Variants in PPP3CA observed in about 807,000 individuals in gnomAD.
PPP3CA encodes protein phosphatase 3 catalytic subunit alpha.
In PPP3CA, 14 loss-of-function variants were observed where a neutral mutation model predicts 66.5. That is an observed-to-expected ratio of 0.21 (90% CI 0.14 to 0.33). PPP3CA has a LOEUF of 0.33. PPP3CA is among the 10% of genes least tolerant of loss of function. The probability of loss-of-function intolerance (pLI) is 1.00; values close to 1 mark genes in which losing one functional copy is unlikely to be tolerated. For synonymous variants in PPP3CA, 232 were observed against 226.2 expected, an observed-to-expected ratio of 1.03 and a Z score of -0.23; for missense variants, 317 against 639.5, an observed-to-expected ratio of 0.50 and a Z score of 5.44.
At chr4:101,164,661 T>C (rs1224595259) in intron 2 of PPP3CA, among the ~76,000 whole-genome samples, 1 of 151,382 alleles carries the variant, frequency 6.6e-6, no homozygotes, top group African/African-American at 2.4e-5. Context: ...GAAATAACCA[T>C]TGAGATCACT....
At chr4:101,046,985 T>C (rs543204830) in intron 10 of PPP3CA, among the ~76,000 whole-genome samples, 3 of 152,218 alleles carry the variant, frequency 2.0e-5, no homozygotes, top group South Asian at 2.1e-4. Context: ...TATAGCTTTT[T>C]ACAGATGACG....
chr4:101,200,157 A>C (rs938537237), intron 1 of PPP3CA, among the ~76,000 whole-genome samples: 17 of 152,272 alleles, frequency 1.1e-4, no homozygotes, highest in East Asian at 1.9e-4. Flanking sequence ...GAGTCACTTA[A>C]GCCACTACTG....
At chr4:101,064,700 C>T (rs1394830559) in intron 8 of PPP3CA, among the ~76,000 whole-genome samples, 1 of 151,980 alleles carries the variant, frequency 6.6e-6, no homozygotes, top group Non-Finnish European at 1.5e-5. Flanking sequence ...CTTCTTGATG[C>T]TTTAGCTCAG....
intron 1 of PPP3CA, among the ~76,000 whole-genome samples, chr4:101,293,756 T>G (rs930374384): frequency 6.6e-6 from 1 of 152,234 alleles, no homozygotes; most frequent in Non-Finnish European, 1.5e-5. Context: ...TCACTTCAAC[T>G]CCTTAGGTCT....
At chr4:101,081,586 C>G (rs1033033849) in intron 7 of PPP3CA, among the ~76,000 whole-genome samples, 1 of 152,138 alleles carries the variant, frequency 6.6e-6, no homozygotes, top group Non-Finnish European at 1.5e-5. Flanking sequence ...TTCAAAACAA[C>G]ATTTTATCAT....
chr4:101,053,757 A>G (rs1239946171), intron 10 of PPP3CA, among the ~76,000 whole-genome samples: 4 of 152,066 alleles, frequency 2.6e-5, no homozygotes, highest in Admixed American at 2.6e-4. Flanking sequence ...TGAACCGTCA[A>G]ACTCAGCTTT....
intron 1 of PPP3CA, among the ~76,000 whole-genome samples, chr4:101,259,188 G>T (rs1264818939): frequency 6.6e-6 from 1 of 152,046 alleles, no homozygotes; most frequent in Admixed American, 6.6e-5. Flanking sequence ...CATACCAACG[G>T]TTTCCTCTCA....
intron 1 of PPP3CA, among the ~76,000 whole-genome samples, chr4:101,306,476 T>C (rs766333920): frequency 6.5e-4 from 99 of 152,046 alleles, no homozygotes; most frequent in Admixed American, 2.3e-3. Flanking sequence ...AAAGCCAAAG[T>C]GAGAGTGAAA....
At chr4:101,130,773 A>G (rs959534175) in intron 2 of PPP3CA, among the ~76,000 whole-genome samples, 1 of 152,206 alleles carries the variant, frequency 6.6e-6, no homozygotes, top group African/African-American at 2.4e-5. Flanking sequence ...ACTGGTACCA[A>G]CCATTGCAAA....
intron 1 of PPP3CA, among the ~76,000 whole-genome samples, chr4:101,259,691 A>C (rs141241405): frequency 0.016 from 2,503 of 152,288 alleles, 33 homozygotes; most frequent in Middle Eastern, 0.044. Flanking sequence ...ACAAATTCTG[A>C]AAGTTGTTTT....
intron 1 of PPP3CA, among the ~76,000 whole-genome samples, chr4:101,240,254 A>G (rs1445343793): frequency 6.6e-6 from 1 of 152,096 alleles, no homozygotes; most frequent in African/African-American, 2.4e-5. Context: ...TTATATATGC[A>G]ATAGAGTTCC....
chr4:101,196,940 C>T (rs140294884), intron 1 of PPP3CA, among the ~76,000 whole-genome samples: 92 of 152,322 alleles, frequency 6.0e-4, no homozygotes, highest in African/African-American at 2.0e-3. Flanking sequence ...ACTCCTCTAG[C>T]TTGCCCTGCA....
rs200319846 is a variant in PPP3CA, at chr4:101,133,456, TAGAC to T, written c.260-24382_260-24379del. 6.9e-4 allele frequency among the ~76,000 whole-genome samples: 104 copies of T among 151,468 alleles called. 1 individual carries two copies. The highest frequency in any genetic ancestry group is 2.2e-3 in the African/African-American group (90 of 41,428). Reference sequence around the variant, plus strand: ...CACATGTTTTCCTATACACCAATAATAGACAGAGAAATAAATCATGAGCAAACTC... The same window carrying T: ...CACATGTTTTCCTATACACCAATAATAGAGAAATAAATCATGAGCAAACTC... On this transcript the variant is annotated intron_variant, in intron 2 of 13. Coordinates refer to ENST00000394854, the MANE Select transcript of PPP3CA (RefSeq NM_000944.5).
chr4:101,219,260 T>G (rs183772881), intron 1 of PPP3CA, among the ~76,000 whole-genome samples: 27 of 151,982 alleles, frequency 1.8e-4, no homozygotes, highest in Non-Finnish European at 2.9e-5. Context: ...AGTTAACAGA[T>G]TGCATGCTTC....
At chr4:101,121,704 T>A (rs1365098542) in intron 2 of PPP3CA, among the ~76,000 whole-genome samples, 2 of 152,250 alleles carry the variant, frequency 1.3e-5, no homozygotes, top group East Asian at 3.9e-4. Flanking sequence ...TTTTTTGAAC[T>A]TGTTGGGAAG....
chr4:101,035,281 C>CA (rs1199622559), intron 11 of PPP3CA, among the ~76,000 whole-genome samples: 1 of 150,534 alleles, frequency 6.6e-6, no homozygotes, highest in African/African-American at 2.5e-5. Context: ...CAAAACAAAA[C>CA]AAAAAAACAA....
intron 2 of PPP3CA, among the ~76,000 whole-genome samples, chr4:101,116,815 G>A (rs1721851494): frequency 6.6e-6 from 1 of 151,668 alleles, no homozygotes; most frequent in Non-Finnish European, 1.5e-5. Context: ...TTTTTCAAAG[G>A]ATAAATATGT....
intron 2 of PPP3CA, among the ~76,000 whole-genome samples, chr4:101,145,237 C>T (rs990948620): frequency 6.6e-6 from 1 of 151,934 alleles, no homozygotes; most frequent in African/African-American, 2.4e-5. Flanking sequence ...GGAAGTTCCC[C>T]AAAAAACTAA....
chr4:101,303,488 A>C (rs1728442203), intron 1 of PPP3CA, among the ~76,000 whole-genome samples: 1 of 152,122 alleles, frequency 6.6e-6, no homozygotes, highest in Non-Finnish European at 1.5e-5. Flanking sequence ...TATCATGTAC[A>C]TTTTCCCAAG....
Sources: allele counts gnomAD v4.1 joint callset (sites outside exome capture counted in the v4.1 genomes callset), GRCh38; gene constraint gnomAD v4.1.1; transcripts MANE v1.5; gene names NCBI Gene and HGNC (gene_info 2026-07-23, HGNC 2026-07-21).